The following NCKAP5 variants were observed in gnomAD, a reference collection of about 807,000 sequenced individuals.
NCKAP5 encodes the protein NCK associated protein 5, also known as nck-associated protein 5.
Under a neutral mutation model 167.0 loss-of-function variants are expected in NCKAP5, and 92 were observed. The observed-to-expected ratio is 0.55, with a 90% CI of 0.47 to 0.66. The LOEUF (loss-of-function observed/expected upper bound fraction) is 0.66, where lower values mean the gene tolerates loss of function less well. NCKAP5 is among the 30% of genes least tolerant of loss of function. The probability of loss-of-function intolerance (pLI) is 0.00; values close to 1 mark genes in which losing one functional copy is unlikely to be tolerated. For synonymous variants in NCKAP5, 891 were observed against 877.4 expected (o/e 1.02, Z -0.27); for missense variants, 2,378 against 2,315.0 (o/e 1.03, Z -0.56).
chr2:132,809,845 T>C (rs1204415628), intron 11 of NCKAP5, among the ~76,000 whole-genome samples: 1 of 152,148 alleles, frequency 6.6e-6, no homozygotes, highest in African/African-American at 2.4e-5. Context: ...TTTGTTGTTT[T>C]TGCTTTTTAA....
intron 4 of NCKAP5, among the ~76,000 whole-genome samples, chr2:133,234,293 A>C (rs1469434655): frequency 1.3e-5 from 2 of 152,198 alleles, no homozygotes; most frequent in African/African-American, 4.8e-5. Flanking sequence ...GAATTTCAAG[A>C]CATTCACACA....
intron 7 of NCKAP5, among the ~76,000 whole-genome samples, chr2:132,965,904 TTGTGTGTG>T (rs60589235): frequency 5.0e-5 from 7 of 140,868 alleles, no homozygotes; most frequent in East Asian, 2.1e-4. Flanking sequence ...ACATGACTCT[TTGTGTGTG>T]TGTGTGTGTG....
chr2:133,138,450 T>G (rs2082878280), intron 5 of NCKAP5, among the ~76,000 whole-genome samples: 1 of 152,212 alleles, frequency 6.6e-6, no homozygotes, highest in South Asian at 2.1e-4. Context: ...TTGCTTTTAA[T>G]ATCATCCTAC....
intron 5 of NCKAP5, among the ~76,000 whole-genome samples, chr2:133,130,793 T>C (rs993434438): frequency 6.6e-6 from 1 of 152,240 alleles, no homozygotes; most frequent in African/African-American, 2.4e-5. Context: ...GCTCAGATCC[T>C]CCTGATAGCA....
At chr2:133,345,807 A>T (rs1056651314) in intron 3 of NCKAP5, among the ~76,000 whole-genome samples, 1 of 151,892 alleles carries the variant, frequency 6.6e-6, no homozygotes, top group African/African-American at 2.4e-5. Flanking sequence ...ATCACTGGGG[A>T]TAAAGGAAGT....
intron 13 of NCKAP5, among the ~76,000 whole-genome samples, chr2:132,786,774 C>T (rs145748519): frequency 2.4e-3 from 368 of 152,288 alleles, no homozygotes; most frequent in Non-Finnish European, 3.7e-3. Context: ...TGTTGGAGAT[C>T]ACATAGAAAG....
At position 133,053,203 on chromosome 2, in the gene NCKAP5, C is replaced by A. The variant is rs74592450; in HGVS notation, c.342-58964G>T. Among the ~76,000 whole-genome samples, 18 of 152,220 alleles carry A rather than the reference C, an allele frequency of 1.2e-4. No individual in the cohort carries two copies. In the East Asian group the frequency reaches 3.5e-3, roughly 29 times the overall value. ...CTCAGATCCTTGAAGATTCTTTATTCGAGAGCAGTCAGGTCTAACAACCAT... is the reference window on the plus strand; with the variant it reads ...CTCAGATCCTTGAAGATTCTTTATTAGAGAGCAGTCAGGTCTAACAACCAT... On this transcript the variant is annotated intron_variant, in intron 6 of 19. Transcript: ENST00000409261.
At chr2:132,880,109 G>A (rs929021685) in intron 8 of NCKAP5, among the ~76,000 whole-genome samples, 8 of 152,148 alleles carry the variant, frequency 5.3e-5, no homozygotes, top group East Asian at 1.9e-4. Flanking sequence ...ATGTCATAAC[G>A]GTAGAGAATA....
At chr2:133,464,827 T>C (rs969201211) in intron 3 of NCKAP5, among the ~76,000 whole-genome samples, 2 of 152,008 alleles carry the variant, frequency 1.3e-5, no homozygotes, top group Non-Finnish European at 2.9e-5. Context: ...GGACTGAGAC[T>C]TCAACTTAAG....
At chr2:132,830,248 G>A (rs1371314709) in intron 11 of NCKAP5, among the ~76,000 whole-genome samples, 1 of 152,096 alleles carries the variant, frequency 6.6e-6, no homozygotes, top group East Asian at 1.9e-4. Context: ...AGGATACAGA[G>A]CAGTAAAAGT....
At chr2:133,207,657 GACAACAACA>G (rs376287683) in intron 5 of NCKAP5, among the ~76,000 whole-genome samples, 5,356 of 151,764 alleles carry the variant, frequency 0.035, 340 homozygotes, top group African/African-American at 0.12. Context: ...AAACAACAAC[GACAACAACA>G]ACAACAACAA....
chr2:132,854,335 T>C (rs1381345114), intron 11 of NCKAP5, among the ~76,000 whole-genome samples: 3 of 152,158 alleles, frequency 2.0e-5, no homozygotes, highest in Non-Finnish European at 4.4e-5. Flanking sequence ...AGCAAAGGTA[T>C]GCAAAAAGAA....
chr2:132,969,338 C>T (rs1209464912), intron 7 of NCKAP5, among the ~76,000 whole-genome samples: 1 of 152,086 alleles, frequency 6.6e-6, no homozygotes, highest in Admixed American at 6.5e-5. Context: ...TGCGCCCATC[C>T]CCCTGTAAAA....
chr2:133,257,027 T>C (rs1198258939), intron 4 of NCKAP5, among the ~76,000 whole-genome samples: 1 of 152,194 alleles, frequency 6.6e-6, no homozygotes. Context: ...ATTTTGCAAT[T>C]ATACCATGAC....
At chr2:133,330,388 A>G (rs1574717914) in intron 3 of NCKAP5, among the ~76,000 whole-genome samples, 2 of 144,190 alleles carry the variant, frequency 1.4e-5, no homozygotes, top group African/African-American at 5.2e-5. Flanking sequence ...CCTGGCTTAC[A>G]TTGTTTTTGT....
At chr2:133,399,269 A>T (rs1687946909) in intron 3 of NCKAP5, among the ~76,000 whole-genome samples, 1 of 151,970 alleles carries the variant, frequency 6.6e-6, no homozygotes, top group Non-Finnish European at 1.5e-5. Flanking sequence ...GGACAGGAAG[A>T]GGGGTGGAAT....
intron 3 of NCKAP5, among the ~76,000 whole-genome samples, chr2:133,473,259 G>A (rs1228561183): frequency 6.6e-6 from 1 of 151,968 alleles, no homozygotes; most frequent in Non-Finnish European, 1.5e-5. Flanking sequence ...TTGAACCCGG[G>A]AGTCAGAGGT....
At chr2:132,883,508 G>A (rs1194804153) in intron 8 of NCKAP5, among the ~76,000 whole-genome samples, 1 of 151,880 alleles carries the variant, frequency 6.6e-6, no homozygotes, top group East Asian at 1.9e-4. Flanking sequence ...TCACAACCAC[G>A]TCTCCACACT....
At chr2:133,645,784 A>G in the NCKAP5 span, among the ~76,000 whole-genome samples, 6 of 152,160 alleles carry the variant, frequency 3.9e-5, no homozygotes, top group African/African-American at 1.4e-4. Flanking sequence ...AGCTATAATA[A>G]TCACGGATAT....
Sources: gnomAD v4.1 joint callset for allele counts (sites outside exome capture counted in the v4.1 genomes callset) on GRCh38, gnomAD v4.1.1 for gene constraint, MANE v1.5 for transcripts, NCBI Gene and HGNC (gene_info 2026-07-23, HGNC 2026-07-21) for gene names.